Variants in PCLO observed in about 807,000 individuals in gnomAD.
The protein encoded by PCLO is piccolo presynaptic cytomatrix protein.
A neutral mutation model predicts 427.5 loss-of-function variants in PCLO; 82 were observed. The observed-to-expected ratio is 0.19, with a 90% CI of 0.16 to 0.23. The LOEUF is 0.23. Among genes scored for constraint, PCLO ranks in the 10% least tolerant of loss-of-function variants. The probability of loss-of-function intolerance (pLI) is 1.00; values close to 1 mark genes in which losing one functional copy is unlikely to be tolerated. For synonymous variants in PCLO, 2,357 were observed against 2,155.4 expected (o/e 1.09, Z -2.59); for missense variants, 6,239 against 6,115.9 (o/e 1.02, Z -0.67).
At chr7:82,935,788 C>T (rs1794940225) in intron 6 of PCLO, among the ~76,000 whole-genome samples, 1 of 151,606 alleles carries the variant, frequency 6.6e-6, no homozygotes, top group African/African-American at 2.4e-5. Flanking sequence ...GGAGTAAGAT[C>T]ATAGAAATGG....
At chr7:82,853,743 T>C (rs978280863) in intron 10 of PCLO, among the ~76,000 whole-genome samples, 8 of 152,194 alleles carry the variant, frequency 5.3e-5, no homozygotes, top group African/African-American at 1.9e-4. Flanking sequence ...CCTAATTGAA[T>C]TGTGTTCACA....
At chr7:82,888,466 T>C (rs73710065) in intron 9 of PCLO, among the ~76,000 whole-genome samples, 2,156 of 152,298 alleles carry the variant, frequency 0.014, 57 homozygotes, top group African/African-American at 0.049. Flanking sequence ...ACCTCTTTAT[T>C]TAATATATCA....
chr7:82,903,794 C>G (rs1229273677), intron 8 of PCLO, among the ~76,000 whole-genome samples: 4 of 151,628 alleles, frequency 2.6e-5, no homozygotes, highest in Non-Finnish European at 5.9e-5. Flanking sequence ...GAAGTGTGTT[C>G]CCAAAAGATA....
At chr7:83,037,989 T>TTTATA (rs1437975363) in intron 3 of PCLO, among the ~76,000 whole-genome samples, 1 of 13,586 alleles carries the variant, frequency 7.4e-5, no homozygotes, top group African/African-American at 2.7e-4. Flanking sequence ...AAGGAGGAGC[T>TTTATA]TATATATATA....
At chr7:83,149,325 GT>G (rs1011146734) in intron 2 of PCLO, among the ~76,000 whole-genome samples, 3 of 152,106 alleles carry the variant, frequency 2.0e-5, no homozygotes, top group African/African-American at 7.2e-5. Context: ...TTGGACAGTG[GT>G]TTTCTCAGCT....
In PCLO at chr7:83,154,893, C is replaced by T. The variant is rs1227488816; in HGVS notation, c.1748G>A (p.Gly583Asp). 2 of 1,613,998 alleles carry T rather than the reference C, an allele frequency of 1.2e-6. No individual in the cohort carries two copies. The highest frequency in any genetic ancestry group is 1.1e-5 in the South Asian group (1 of 91,084). The change falls in exon 2 of 25, where the codon GGC becomes GAC. Residue 583 changes from glycine to aspartate, a missense_variant. Physicochemically the swap from Gly to Asp is moderately conservative, Grantham distance 94. Around this residue, in one of 5 missense-constraint regions of PCLO, gnomAD observed 4,677 missense variants for 4,468.4 expected, o/e 1.05. Coordinates refer to ENST00000333891, the MANE Select transcript of PCLO (RefSeq NM_033026.6). ...AAGAGGACAGATGGTTTTAGGGAGG[C>T]CTTGTGAAGGAGGCTGTTTTGCAGA... The part of the protein sequence containing the change: ...SPSAKQPPSQ[G>D]LPKTICPLCN...
At position 83,162,615 on chromosome 7, in the gene PCLO, C is replaced by CCGCGCTCCCTCCT. The variant is rs758295865; in HGVS notation, c.-36_-24dup. The CCGCGCTCCCTCCT allele has an allele frequency of 1.8e-4, 271 of 1,515,090 alleles. No individual in the cohort carries two copies. Among genetic ancestry groups the CCGCGCTCCCTCCT allele is most frequent in the Non-Finnish European group, 2.3e-4 (263 of 1,134,164 alleles). The allele number at this position is 1,515,090 out of a possible 1,614,324, so 93.9% of individuals were successfully genotyped here. A position where few individuals can be genotyped will look rare whatever the true frequency, so the allele number is the denominator to read the frequency against. ...CATGGCTCAGGGAGACTCGGGGCCG[C>CCGCGCTCCCTCCT]CGCGCTCCCTCCTCGCGCCGCGTCC... On this transcript the variant is annotated 5_prime_UTR_variant, in exon 1 of 25. Transcript: ENST00000333891.
intron 2 of PCLO, among the ~76,000 whole-genome samples, chr7:83,150,422 C>T (rs994579128): frequency 2.6e-5 from 4 of 152,226 alleles, no homozygotes; most frequent in African/African-American, 9.6e-5. Flanking sequence ...GAACAGCATA[C>T]ATCTTGATAG....
chr7:82,906,451 T>C (rs1032828157), intron 8 of PCLO, among the ~76,000 whole-genome samples: 2 of 152,028 alleles, frequency 1.3e-5, no homozygotes, highest in Non-Finnish European at 2.9e-5. Flanking sequence ...AATATAGTTA[T>C]GATGAGTTAA....
Position 82,845,340 on chromosome 7 carries a change from G to A in PCLO, c.13977C>T (p.Ser4659=). ...GTTGCCCAGGGCTGGGAACGGAACT[G>A]GATCCTGCTGATGTAGGACCTGAAT... ...HVHSGPTSAG[S]SSVPSPGQPG... The change falls in exon 13 of 25, where the codon TCC becomes TCT. Residue 4659 remains serine, a synonymous_variant. Coordinates refer to ENST00000333891, the MANE Select transcript of PCLO (RefSeq NM_033026.6). 6.2e-7 allele frequency: 1 copy of A among 1,613,510 alleles called. No individual in the cohort carries two copies. Among genetic ancestry groups the A allele is most frequent in the Non-Finnish European group, 8.5e-7 (1 of 1,179,660 alleles).
chr7:83,074,031 A>C (rs895208714), intron 3 of PCLO, among the ~76,000 whole-genome samples: 5 of 151,956 alleles, frequency 3.3e-5, no homozygotes, highest in African/African-American at 1.2e-4. Context: ...CAAATTAAAC[A>C]CATATAATTG....
rs1021309708 is a variant in PCLO at position 82,845,418 on chromosome 7, T to C, written c.13899A>G (p.Leu4633=). ...QLAAELQKVS[L]QQSPLVLSSV... ...ATGACAGAACCAGCGGTGACTGCTG[T>C]AGTGAAACCTTCTGGAGTTCTGCTG... Residue 4633 remains leucine (L), a synonymous_variant, in exon 13 of 25, where the codon CTA becomes CTG. Transcript: ENST00000333891. 9.9e-6 allele frequency: 16 copies of C among 1,613,150 alleles called. No homozygotes were observed. The highest frequency in any genetic ancestry group is 1.4e-5 in the Non-Finnish European group (16 of 1,179,562).
At chr7:83,007,164 C>A (rs1787966815) in intron 3 of PCLO, among the ~76,000 whole-genome samples, 1 of 151,442 alleles carries the variant, frequency 6.6e-6, no homozygotes, top group African/African-American at 2.4e-5. Flanking sequence ...AATTTGTCTT[C>A]TCCTTAGAAA....
chr7:82,906,815 G>T (rs2189968), intron 8 of PCLO, among the ~76,000 whole-genome samples: 34,317 of 151,646 alleles, frequency 0.23, 4,680 homozygotes, highest in East Asian at 0.6. Context: ...TATGTTAGAT[G>T]TGAAAATGTA....
chr7:82,929,966 G>T (rs1794801599), intron 6 of PCLO, among the ~76,000 whole-genome samples: 1 of 152,122 alleles, frequency 6.6e-6, no homozygotes, highest in Admixed American at 6.6e-5. Flanking sequence ...CTCTGGTATT[G>T]CTTCTACCTT....
In PCLO at chr7:82,897,810, C is replaced by T. The variant is rs145359812; in HGVS notation, c.13528+4841G>A. Among the ~76,000 whole-genome samples, 740 of 151,102 alleles carry T rather than the reference C, an allele frequency of 4.9e-3. 5 individuals carry two copies. The highest frequency in any genetic ancestry group is 0.017 in the African/African-American group (722 of 41,362). On this transcript the variant is annotated intron_variant, in intron 9 of 24. Transcript: ENST00000333891. Reference sequence around the variant, plus strand: ...AGTAGAAAAAAGTATATTTCCTTTTCGAAAAAAACATTTCACTGCAGATAT... The same window carrying T: ...AGTAGAAAAAAGTATATTTCCTTTTTGAAAAAAACATTTCACTGCAGATAT...
intron 3 of PCLO, among the ~76,000 whole-genome samples, chr7:83,018,916 G>C (rs1030997383): frequency 2.0e-5 from 3 of 151,892 alleles, no homozygotes; most frequent in Non-Finnish European, 2.9e-5. Context: ...GCATATTAGA[G>C]GAAACCTGCT....
At position 82,949,870 on chromosome 7, in the gene PCLO, G is replaced by A; in HGVS notation, c.10718C>T (p.Ser3573Leu). ...CAGATATTGAGGACTTTGTGTGTCT[G>A]AATCTGCTTCTGTTTGACATCCTAA... ...GSLGCQTEAD[S>L]DTQSPQYLSA... Residue 3573 changes from serine to leucine, a missense_variant, in exon 6 of 25, where the codon TCA becomes TTA. By Grantham distance (145) the Ser-to-Leu change is moderately radical. Around this residue, in one of 5 missense-constraint regions of PCLO, gnomAD observed 4,677 missense variants for 4,468.4 expected, o/e 1.05. Transcript: ENST00000333891. 6.2e-7 allele frequency: 1 copy of A among 1,613,744 alleles called. No homozygotes were observed. The highest frequency in any genetic ancestry group is 8.5e-7 in the Non-Finnish European group (1 of 1,179,836).
chr7:83,068,814 C>T (rs1789735204), intron 3 of PCLO, among the ~76,000 whole-genome samples: 1 of 152,110 alleles, frequency 6.6e-6, no homozygotes, highest in African/African-American at 2.4e-5. Flanking sequence ...TTGAAGAGAT[C>T]TCTATACTCC....
Sources: allele counts gnomAD v4.1 joint callset (sites outside exome capture counted in the v4.1 genomes callset), GRCh38; gene constraint gnomAD v4.1.1; regional missense constraint gnomAD v4.1.1; transcripts MANE v1.5; gene names NCBI Gene and HGNC (gene_info 2026-07-23, HGNC 2026-07-21).